SCN4B: variants seen among roughly 807,000 people sequenced by gnomAD.
SCN4B encodes sodium channel regulatory subunit beta-4.
SCN4B carries 20 observed loss-of-function variants against 19.6 expected under a neutral mutation model. The observed-to-expected ratio is 1.02, with a 90% confidence interval of 0.72 to 1.48. The LOEUF (loss-of-function observed/expected upper bound fraction) is 1.48. Among genes scored for constraint, SCN4B ranks in the 40% most tolerant of loss-of-function variants. SCN4B has a pLI of 0.00. For missense variants in SCN4B, 271 were observed against 287.5 expected, an observed-to-expected ratio of 0.94 and a Z score of 0.42; for synonymous variants, 127 against 122.8, an observed-to-expected ratio of 1.03 and a Z score of -0.22.
Position 118,134,523 on chromosome 11 carries a change from G to GC in SCN4B, c.*2503dup, listed in dbSNP as rs1947966403. ...GACTAAGTTTAGCATTCTTAGTAGT[G>GC]CCCCCACGCATGGGGGCAACCAAAA... On this transcript the variant is annotated 3_prime_UTR_variant, in exon 5 of 5. Coordinates refer to ENST00000324727, the MANE Select transcript of SCN4B (RefSeq NM_174934.4). 2.2e-6 allele frequency: 1 copy of GC among 454,064 alleles called. No individual in the cohort carries two copies. The highest frequency in any genetic ancestry group is 4.4e-6 in the Non-Finnish European group (1 of 226,776). 28.1% of individuals were successfully genotyped at this position (454,064 alleles called of 1,614,324 possible).
intron 1 of SCN4B, among the ~76,000 whole-genome samples, chr11:118,151,044 G>C (rs1168149781): frequency 1.3e-5 from 2 of 152,012 alleles, no homozygotes; most frequent in Non-Finnish European, 2.9e-5. Flanking sequence ...CTATACAGCT[G>C]AACAGTCCTT....
rs1052835889 is a variant in SCN4B, at chr11:118,136,002, A to C, written c.*1025T>G. On this transcript the variant is annotated 3_prime_UTR_variant, in exon 5 of 5. Transcript: ENST00000324727. Reference sequence around the variant, plus strand: ...CCCTTGACCCAGGGCTGGGAAATGAACCACCCTGGGGGCAGGGCGTGATGG... The same window carrying C: ...CCCTTGACCCAGGGCTGGGAAATGACCCACCCTGGGGGCAGGGCGTGATGG... The C allele has an allele frequency of 6.7e-6, 3 of 445,454 alleles. No homozygotes were observed. The highest frequency in any genetic ancestry group is 6.2e-5 in the African/African-American group (3 of 48,108). 27.6% of individuals were successfully genotyped at this position (445,454 alleles called of 1,614,324 possible). A position where few individuals can be genotyped will look rare whatever the true frequency, so the allele number is the denominator to read the frequency against.
chr11:118,140,416 G>C (rs1948079673), intron 4 of SCN4B, among the ~76,000 whole-genome samples: 1 of 152,190 alleles, frequency 6.6e-6, no homozygotes. Context: ...GAATGTTTCA[G>C]CAAATAGGGG....
chr11:118,138,201 A>G (rs1411113643), intron 4 of SCN4B, among the ~76,000 whole-genome samples: 2 of 152,204 alleles, frequency 1.3e-5, no homozygotes, highest in Non-Finnish European at 2.9e-5. Context: ...CAGCTGCTAC[A>G]GCCAAACTAC....
intron 1 of SCN4B, among the ~76,000 whole-genome samples, 154 bp downstream of exon 1, chr11:118,152,459 C>G (rs1948243569): frequency 6.6e-6 from 1 of 152,168 alleles, no homozygotes; most frequent in Admixed American, 6.5e-5. Flanking sequence ...AGCCTATGAA[C>G]CAGGCAGGAA....
At chr11:118,151,339 G>A (rs1230784788) in intron 1 of SCN4B, among the ~76,000 whole-genome samples, 1 of 152,164 alleles carries the variant, frequency 6.6e-6, no homozygotes, top group Non-Finnish European at 1.5e-5. Flanking sequence ...TGGGGACCTG[G>A]GCTGATCTGA....
At chr11:118,146,655 T>C (rs1211573433) in intron 1 of SCN4B, among the ~76,000 whole-genome samples, 1 of 152,212 alleles carries the variant, frequency 6.6e-6, no homozygotes, top group South Asian at 2.1e-4. Context: ...GAAGTGCTTA[T>C]ATCCCCCAGC....
intron 4 of SCN4B, 82 bp from the exon 5 acceptor site, chr11:118,137,202 C>A: frequency 4.9e-6 from 5 of 1,022,148 alleles, no homozygotes; most frequent in Non-Finnish European, 7.7e-6. Flanking sequence ...GTGGGCCCTG[C>A]ACCCAGCCCT....
chr11:118,139,592 C>T lies in SCN4B; in HGVS notation c.593+1615G>A, dbSNP rs150587876. On this transcript the variant is annotated intron_variant, in intron 4 of 4. Coordinates refer to ENST00000324727, the MANE Select transcript of SCN4B (RefSeq NM_174934.4). ...AAATGAACAGATAAATGAATGAACT[C>T]TAGATATGCCCAGTGAGTCAGTAGA... Among the ~76,000 whole-genome samples, 10 of 152,144 alleles carry T rather than the reference C, an allele frequency of 6.6e-5. No homozygotes were observed. The East Asian group carries it at 1.9e-3, about 29-fold the overall frequency.
In SCN4B at chr11:118,134,814, G is replaced by A; in HGVS notation, c.*2213C>T. On this transcript the variant is annotated 3_prime_UTR_variant, in exon 5 of 5. Transcript: ENST00000324727. Reference sequence around the variant, plus strand: ...CCCAGATCCCTTTCCAAGCCAAAAAGATGTTTTTAGACAAAACTTGCCAAG... The same window carrying A: ...CCCAGATCCCTTTCCAAGCCAAAAAAATGTTTTTAGACAAAACTTGCCAAG... 1 of 454,066 alleles carries A rather than the reference G, an allele frequency of 2.2e-6. No individual in the cohort carries two copies. Among genetic ancestry groups the A allele is most frequent in the South Asian group, 1.6e-5 (1 of 64,474 alleles). 28.1% of individuals were successfully genotyped at this position (454,066 alleles called of 1,614,324 possible).
intron 4 of SCN4B, among the ~76,000 whole-genome samples, chr11:118,137,523 T>C (rs946193534): frequency 2.6e-5 from 4 of 151,952 alleles, no homozygotes; most frequent in African/African-American, 9.7e-5. Context: ...ATACAAAAAT[T>C]AGCCAGGCGT....
At chr11:118,142,376 C>T (rs1948110106) in intron 3 of SCN4B, among the ~76,000 whole-genome samples, 1 of 152,276 alleles carries the variant, frequency 6.6e-6, no homozygotes, top group Non-Finnish European at 1.5e-5. Context: ...CAAAGATGCC[C>T]TCATGGCTCC....
At chr11:118,141,804 C>G (rs1205962521) in intron 3 of SCN4B, 1 of 195,664 alleles carries the variant, frequency 5.1e-6, no homozygotes, top group East Asian at 1.4e-4. Context: ...ATTTAACTGT[C>G]ACTAACTAGC....
At chr11:118,144,965 C>T in intron 2 of SCN4B, 92 bp downstream of exon 2, 1 of 1,288,328 alleles carries the variant, frequency 7.8e-7, no homozygotes, top group Admixed American at 1.7e-5. Flanking sequence ...GGGACCATCG[C>T]AGTGGGTCTC....
At chr11:118,144,996 G>A (rs1218181575) in intron 2 of SCN4B, 61 bp downstream of exon 2, 11 of 1,531,796 alleles carry the variant, frequency 7.2e-6, no homozygotes, top group East Asian at 2.2e-5. Flanking sequence ...GGACCAGAGC[G>A]TAGGAGGCGA....
chr11:118,147,165 G>C (rs1334788954), intron 1 of SCN4B, among the ~76,000 whole-genome samples: 3 of 152,192 alleles, frequency 2.0e-5, no homozygotes, highest in African/African-American at 7.2e-5. Flanking sequence ...GAGAGGATTT[G>C]TGCATACTAA....
chr11:118,150,727 C>A (rs1948226019), intron 1 of SCN4B, among the ~76,000 whole-genome samples: 1 of 152,202 alleles, frequency 6.6e-6, no homozygotes, highest in African/African-American at 2.4e-5. Context: ...CAGGGAACAC[C>A]TCCAGTTGGC....
At chr11:118,145,369 T>C in intron 1 of SCN4B, 140 bp from the exon 2 acceptor site, 4 of 1,536,940 alleles carry the variant, frequency 2.6e-6, no homozygotes, top group Non-Finnish European at 2.6e-6. Flanking sequence ...AGGATGGCTG[T>C]CTACTCCAAT....
chr11:118,152,655 C>A lies in SCN4B; in HGVS notation c.19G>T (p.Gly7Ter), dbSNP rs1338158141. 1 of 1,611,216 alleles carries A rather than the reference C, an allele frequency of 6.2e-7. No individual in the cohort carries two copies. The highest frequency in any genetic ancestry group is 8.5e-7 in the Non-Finnish European group (1 of 1,178,438). MPGAGD[G>*]GKAPARWLGT... The stretch of plus-strand genomic sequence containing the variant: ...AGCCATCTCGCCGGGGCTTTGCCTC[C>A]GTCCCCAGCCCCGGGCATAGTCCTG... The change falls in exon 1 of 5, where the codon GGA becomes TGA. Residue 7 changes from glycine to a stop codon, truncating the protein, a stop_gained. Transcript: ENST00000324727. LOFTEE classifies it high-confidence loss of function.
Sources: allele counts gnomAD v4.1 joint callset (sites outside exome capture counted in the v4.1 genomes callset), GRCh38; gene constraint gnomAD v4.1.1; transcripts MANE v1.5; gene names NCBI Gene and HGNC (gene_info 2026-07-23, HGNC 2026-07-21).